The following ZBED3 variants were observed in gnomAD, a reference collection of about 807,000 sequenced individuals.
ZBED3 encodes the protein zinc finger BED domain-containing protein 3.
For synonymous variants in ZBED3, 175 were observed against 180.0 expected, an observed-to-expected ratio of 0.97 and a Z score of 0.22; for missense variants, 388 against 362.9, an observed-to-expected ratio of 1.07 and a Z score of -0.56.
At chr5:77,084,439 G>C (rs957006191) in intron 1 of ZBED3, among the ~76,000 whole-genome samples, 1 of 152,146 alleles carries the variant, frequency 6.6e-6, no homozygotes, top group Non-Finnish European at 1.5e-5. Context: ...AGCTCATGCC[G>C]CAGCCAGGTA....
At position 77,077,915 on chromosome 5, in the gene ZBED3, T is replaced by G. The variant is rs558477339; in HGVS notation, c.-17-20A>C. 8 of 1,244,250 alleles carry G rather than the reference T, an allele frequency of 6.4e-6. No individual in the cohort carries two copies. The East Asian group carries it at 9.5e-5, about 15-fold the overall frequency. 77.1% of individuals were successfully genotyped at this position (1,244,250 alleles called of 1,614,324 possible). A position where few individuals can be genotyped will look rare whatever the true frequency, so the allele number is the denominator to read the frequency against. On this transcript the variant is annotated intron_variant, in intron 2 of 2. Transcript: ENST00000255198. ...CGCACGCTGGGGAGCAGGGGAAGAATAATAATGAGTGTTAGGATCACGCAC... is the reference window on the plus strand; with the variant it reads ...CGCACGCTGGGGAGCAGGGGAAGAAGAATAATGAGTGTTAGGATCACGCAC...
Position 77,073,837 on chromosome 5 carries a change from G to A in ZBED3, c.*3337C>T, listed in dbSNP as rs1456182631. The A allele has an allele frequency of 6.6e-6, 1 of 152,178 alleles. No individual in the cohort carries two copies. The allele number at this position is 152,178 out of a possible 1,614,324, so 9.4% of individuals were successfully genotyped here. Reference sequence around the variant, plus strand: ...ATGCAAGGCACTGTAGGAGTAGGGTGAGTATACTCCCCACAAGGGCTCAGG... The same window carrying A: ...ATGCAAGGCACTGTAGGAGTAGGGTAAGTATACTCCCCACAAGGGCTCAGG... On this transcript the variant is annotated 3_prime_UTR_variant, in exon 3 of 3. Coordinates refer to ENST00000255198, the MANE Select transcript of ZBED3 (RefSeq NM_032367.4).
At position 77,075,432 on chromosome 5, in the gene ZBED3, T is replaced by C. The variant is rs1742955529; in HGVS notation, c.*1742A>G. The C allele has an allele frequency of 6.6e-6, 1 of 152,204 alleles. No individual in the cohort carries two copies. The highest frequency in any genetic ancestry group is 1.5e-5 in the Non-Finnish European group (1 of 68,040). The allele number at this position is 152,204 out of a possible 1,614,324, so 9.4% of individuals were successfully genotyped here. A position where few individuals can be genotyped will look rare whatever the true frequency, so the allele number is the denominator to read the frequency against. Reference sequence around the variant, plus strand: ...TTGAATACTGATTAAGGGCTCTGTATTAGAGGCTATAAAGAAGTTACTGTT... The same window carrying C: ...TTGAATACTGATTAAGGGCTCTGTACTAGAGGCTATAAAGAAGTTACTGTT... On this transcript the variant is annotated 3_prime_UTR_variant, in exon 3 of 3. Coordinates refer to ENST00000255198, the MANE Select transcript of ZBED3 (RefSeq NM_032367.4).
At chr5:77,081,223 A>G (rs1743122744) in intron 1 of ZBED3, among the ~76,000 whole-genome samples, 1 of 152,204 alleles carries the variant, frequency 6.6e-6, no homozygotes. Context: ...AAGAAACATT[A>G]AGAGGTCTAA....
chr5:77,084,834 T>C (rs1193488200), intron 1 of ZBED3, among the ~76,000 whole-genome samples: 1 of 152,226 alleles, frequency 6.6e-6, no homozygotes, highest in African/African-American at 2.4e-5. Context: ...AAGTTCCAGT[T>C]CCTCAGTTGT....
chr5:77,083,314 C>G (rs537182328), intron 1 of ZBED3, among the ~76,000 whole-genome samples: 34 of 152,268 alleles, frequency 2.2e-4, no homozygotes, highest in African/African-American at 8.2e-4. Context: ...CTCATTGTCA[C>G]GTGGTTTGCT....
At chr5:77,083,366 C>T (rs998733032) in intron 1 of ZBED3, among the ~76,000 whole-genome samples, 1 of 152,164 alleles carries the variant, frequency 6.6e-6, no homozygotes, top group African/African-American at 2.4e-5. Flanking sequence ...CCCAGGATGT[C>T]ATGGAAGAGG....
chr5:77,081,478 T>G (rs967602799), intron 1 of ZBED3, among the ~76,000 whole-genome samples: 1 of 151,946 alleles, frequency 6.6e-6, no homozygotes, highest in Non-Finnish European at 1.5e-5. Context: ...GCCTCCAAAG[T>G]AGCTGGGACT....
chr5:77,084,527 C>A (rs564368162), intron 1 of ZBED3, among the ~76,000 whole-genome samples: 9 of 152,186 alleles, frequency 5.9e-5, no homozygotes, highest in Non-Finnish European at 1.2e-4. Context: ...GTCCATTAAA[C>A]GTCTTTCTTT....
Position 77,077,237 on chromosome 5 carries a change from C to A in ZBED3, c.642G>T (p.Pro214=). 1 of 1,483,412 alleles carries A rather than the reference C, an allele frequency of 6.7e-7. No individual in the cohort carries two copies. The highest frequency in any genetic ancestry group is 8.9e-7 in the Non-Finnish European group (1 of 1,121,692). 91.9% of individuals were successfully genotyped at this position (1,483,412 alleles called of 1,614,324 possible). ...CACCCTCGGGGTCGTCCTTGAGCGG[C>A]GGCGGCGCAGCGGGGGCCCAGCCCA... ...GALGWAPAAP[P]PLKDDPEGDR... is the part of the protein sequence containing the mutation. Residue 214 remains proline, a synonymous_variant, in exon 3 of 3, where the codon CCG becomes CCT. Coordinates refer to ENST00000255198, the MANE Select transcript of ZBED3 (RefSeq NM_032367.4).
chr5:77,080,907 C>T (rs1425522686), intron 1 of ZBED3, among the ~76,000 whole-genome samples: 1 of 152,200 alleles, frequency 6.6e-6, no homozygotes, highest in Admixed American at 6.5e-5. Context: ...ACGTTGTGCA[C>T]ATGTACCCTA....
Position 77,074,129 on chromosome 5 carries a change from GC to G in ZBED3, c.*3044del, listed in dbSNP as rs1414789598. 6.6e-6 allele frequency: 1 copy of G among 152,262 alleles called. No homozygotes were observed. Among genetic ancestry groups the G allele is most frequent in the Non-Finnish European group, 1.5e-5 (1 of 68,072 alleles). The allele number at this position is 152,262 out of a possible 1,614,324, so 9.4% of individuals were successfully genotyped here. On this transcript the variant is annotated 3_prime_UTR_variant, in exon 3 of 3. Transcript: ENST00000255198. ...AGGAAGAACAGAGTCCAATTTGGCT[GC>G]AGGATAGGGCATATGTAGGGGAGGG...
At chr5:77,083,603 T>C (rs1320293286) in intron 1 of ZBED3, among the ~76,000 whole-genome samples, 1 of 152,196 alleles carries the variant, frequency 6.6e-6, no homozygotes, top group Non-Finnish European at 1.5e-5. Flanking sequence ...ATTTAAGACA[T>C]GAACAATAAA....
At chr5:77,083,701 A>G (rs1743177282) in intron 1 of ZBED3, among the ~76,000 whole-genome samples, 1 of 152,226 alleles carries the variant, frequency 6.6e-6, no homozygotes, top group African/African-American at 2.4e-5. Flanking sequence ...ACATTATGTT[A>G]TTCAACAGAG....
In ZBED3 at chr5:77,073,868, G is replaced by C. The variant is rs1201709762; in HGVS notation, c.*3306C>G. Reference sequence around the variant, plus strand: ...ACTCCCCACAAGGGCTCAGGGTCAGGCAGGGGAGGTGAGATAAAAACCCAC... The same window carrying C: ...ACTCCCCACAAGGGCTCAGGGTCAGCCAGGGGAGGTGAGATAAAAACCCAC... On this transcript the variant is annotated 3_prime_UTR_variant, in exon 3 of 3. Transcript: ENST00000255198. 6.6e-6 allele frequency: 1 copy of C among 152,220 alleles called. No homozygotes were observed. 9.4% of individuals were successfully genotyped at this position (152,220 alleles called of 1,614,324 possible).
intron 1 of ZBED3, among the ~76,000 whole-genome samples, chr5:77,081,387 C>T (rs1044901967): frequency 3.3e-5 from 5 of 151,096 alleles, no homozygotes; most frequent in African/African-American, 1.2e-4. Flanking sequence ...TGCTCTGTCA[C>T]CCAGGCTGGA....
chr5:77,076,508 C>T lies in ZBED3; in HGVS notation c.*666G>A, dbSNP rs957314433. On this transcript the variant is annotated 3_prime_UTR_variant, in exon 3 of 3. Transcript: ENST00000255198. ...AGGTCTGAAGCAAGGGAAGGATGGC[C>T]GAGGGGAGACAGAGTGCACCTGGTA... is the stretch of plus-strand genomic sequence containing the variant. The T allele has an allele frequency of 2.6e-5, 4 of 151,930 alleles. No homozygotes were observed. The highest frequency in any genetic ancestry group is 4.4e-5 in the Non-Finnish European group (3 of 68,054). 9.4% of individuals were successfully genotyped at this position (151,930 alleles called of 1,614,324 possible). A position where few individuals can be genotyped will look rare whatever the true frequency, so the allele number is the denominator to read the frequency against.
At position 77,077,412 on chromosome 5, in the gene ZBED3, G is replaced by C; in HGVS notation, c.467C>G (p.Ala156Gly). 8.1e-7 allele frequency: 1 copy of C among 1,238,976 alleles called. No individual in the cohort carries two copies. Among genetic ancestry groups the C allele is most frequent in the Non-Finnish European group, 1.0e-6 (1 of 989,502 alleles). The allele number at this position is 1,238,976 out of a possible 1,614,324, so 76.7% of individuals were successfully genotyped here. A position where few individuals can be genotyped will look rare whatever the true frequency, so the allele number is the denominator to read the frequency against. ...RERELERRELAVEQGERALER... is the reference protein window; with the variant it reads ...RERELERRELGVEQGERALER... ...CAGGGCGCGCTCGCCCTGCTCCACG[G>C]CCAGCTCGCGCCGCTCCAGCTCCCG... The change falls in exon 3 of 3, where the codon GCC becomes GGC. Residue 156 changes from alanine (A) to glycine (G), a missense_variant. Ala to Gly is a moderately conservative substitution (Grantham distance 60). Coordinates refer to ENST00000255198, the MANE Select transcript of ZBED3 (RefSeq NM_032367.4).
At position 77,076,013 on chromosome 5, in the gene ZBED3, GTATATATGTA is replaced by G; in HGVS notation, c.*1151_*1160del. ...TATATGTATATATGTATATATATAT[GTATATATGTA>G]TATATATATGTATATATGTATATAT... On this transcript the variant is annotated 3_prime_UTR_variant, in exon 3 of 3. Coordinates refer to ENST00000255198, the MANE Select transcript of ZBED3 (RefSeq NM_032367.4). The G allele has an allele frequency of 1.9e-5, 1 of 51,396 alleles. No individual in the cohort carries two copies. The allele number at this position is 51,396 out of a possible 1,614,324, so 3.2% of individuals were successfully genotyped here.
Sources: allele counts gnomAD v4.1 joint callset (sites outside exome capture counted in the v4.1 genomes callset), GRCh38; gene constraint gnomAD v4.1.1; transcripts MANE v1.5; gene names NCBI Gene and HGNC (gene_info 2026-07-23, HGNC 2026-07-21).